CRISPLD1: variants seen among roughly 807,000 people sequenced by gnomAD.
The protein encoded by CRISPLD1 is cysteine rich secretory protein LCCL domain containing 1, also known as cysteine-rich secretory protein LCCL domain-containing 1.
Under a neutral mutation model 77.5 loss-of-function variants are expected in CRISPLD1, and 60 were observed. That is an observed-to-expected ratio of 0.77 (90% CI 0.63 to 0.96). CRISPLD1 has a LOEUF of 0.96. CRISPLD1 is among the 40% of genes least tolerant of loss of function. CRISPLD1 has a pLI of 0.00. For synonymous variants in CRISPLD1, 195 were observed against 200.1 expected, an observed-to-expected ratio of 0.97 and a Z score of 0.22; for missense variants, 623 against 615.8, an observed-to-expected ratio of 1.01 and a Z score of -0.12.
At chr8:75,023,834 T>TA (rs1378837716) in intron 12 of CRISPLD1, among the ~76,000 whole-genome samples, 1 of 152,070 alleles carries the variant, frequency 6.6e-6, no homozygotes, top group Admixed American at 6.6e-5. Flanking sequence ...GCCACTTGAT[T>TA]AAAAGTAAAG....
At chr8:75,003,544 C>T (rs1812780385) in intron 2 of CRISPLD1, among the ~76,000 whole-genome samples, 2 of 151,974 alleles carry the variant, frequency 1.3e-5, no homozygotes, top group Admixed American at 1.3e-4. Context: ...TTTTTATAGA[C>T]TTTTAGATCA....
At chr8:74,989,602 G>GT (rs1370241188) in intron 2 of CRISPLD1, among the ~76,000 whole-genome samples, 2 of 150,784 alleles carry the variant, frequency 1.3e-5, no homozygotes, top group South Asian at 4.2e-4. Context: ...TAGTGGGGTT[G>GT]TTTTTTTTCT....
intron 2 of CRISPLD1, among the ~76,000 whole-genome samples, chr8:75,008,521 TAA>T (rs1203197432): frequency 7.2e-5 from 11 of 152,210 alleles, no homozygotes; most frequent in African/African-American, 2.4e-4. Flanking sequence ...AATAAGTTTT[TAA>T]GACTTGATTT....
chr8:74,986,280 A>G (rs767490132), intron 2 of CRISPLD1, 35 bp downstream of exon 2: 1 of 1,586,874 alleles, frequency 6.3e-7, no homozygotes, highest in Non-Finnish European at 8.6e-7. Flanking sequence ...GTACAAAAGA[A>G]ATGTTTATTC....
chr8:75,017,637 CTT>C (rs766259659), intron 10 of CRISPLD1, among the ~76,000 whole-genome samples, 187 bp downstream of exon 10: 1 of 152,060 alleles, frequency 6.6e-6, no homozygotes, highest in Non-Finnish European at 1.5e-5. Context: ...AAGTTGAACT[CTT>C]TTGCTTTTAA....
intron 2 of CRISPLD1, among the ~76,000 whole-genome samples, chr8:74,993,875 A>G (rs1443350972): frequency 6.6e-6 from 1 of 152,220 alleles, no homozygotes; most frequent in African/African-American, 2.4e-5. Flanking sequence ...TCTTCCTTGC[A>G]TGGAATAGAT....
rs1360841714 is a variant in CRISPLD1 at position 75,034,558 on chromosome 8, A to C, written c.*2316A>C. 6.6e-6 allele frequency: 1 copy of C among 152,038 alleles called. No homozygotes were observed. The highest frequency in any genetic ancestry group is 1.5e-5 in the Non-Finnish European group (1 of 67,946). The allele number at this position is 152,038 out of a possible 1,614,324, so 9.4% of individuals were successfully genotyped here. On this transcript the variant is annotated 3_prime_UTR_variant, in exon 15 of 15. Transcript: ENST00000262207. ...TGCTCTCTAATATGATATCCCTTTA[A>C]TTTGACCATTGTAATTATTTAATTT...
In CRISPLD1 at chr8:75,029,483, A is replaced by G. The variant is rs747339455; in HGVS notation, c.1417A>G (p.Ile473Val). The G allele has an allele frequency of 6.2e-6, 10 of 1,613,670 alleles. No individual in the cohort carries two copies. In the South Asian group the frequency reaches 6.6e-5, roughly 11 times the overall value. The stretch of plus-strand genomic sequence containing the variant: ...GCCTGTGGACAAAAGAAAGACCTAC[A>G]TTGCTTCTTTTCAGAATGGAATCTT... ...VMPVDKRKTY[I>V]ASFQNGIFSE... The change falls in exon 14 of 15, where the codon ATT becomes GTT. Residue 473 changes from isoleucine (I) to valine (V), a missense_variant. By Grantham distance (29) the Ile-to-Val change is conservative (BLOSUM62 3). Coordinates refer to ENST00000262207, the MANE Select transcript of CRISPLD1 (RefSeq NM_031461.6).
At chr8:74,996,467 G>C (rs1378624798) in intron 2 of CRISPLD1, among the ~76,000 whole-genome samples, 1 of 152,092 alleles carries the variant, frequency 6.6e-6, no homozygotes, top group Non-Finnish European at 1.5e-5. Context: ...TAGAGAATGA[G>C]GGAGGTGGAG....
At chr8:75,018,618 G>C (rs1012600782) in intron 10 of CRISPLD1, among the ~76,000 whole-genome samples, 1 of 151,226 alleles carries the variant, frequency 6.6e-6, no homozygotes, top group African/African-American at 2.4e-5. Context: ...AGGCTTGAAG[G>C]GTGGTTTTTA....
At chr8:74,998,516 C>T (rs1487536052) in intron 2 of CRISPLD1, among the ~76,000 whole-genome samples, 24 of 151,344 alleles carry the variant, frequency 1.6e-4, no homozygotes, top group Non-Finnish European at 1.5e-4. Context: ...GGTGAAATGC[C>T]GTCTCTATTA....
intron 12 of CRISPLD1, 80 bp from the exon 13 acceptor site, chr8:75,025,466 G>T (rs1421347856): frequency 6.4e-6 from 3 of 466,740 alleles, no homozygotes; most frequent in Non-Finnish European, 1.1e-5. Context: ...CTTTGTGTAT[G>T]CATATCTGTG....
chr8:75,019,630 A>G (rs914277048), intron 10 of CRISPLD1, among the ~76,000 whole-genome samples: 1 of 151,902 alleles, frequency 6.6e-6, no homozygotes. Flanking sequence ...TATTATCTAT[A>G]TGTTTTTGAG....
rs1302787931 is a variant in CRISPLD1, at chr8:75,034,408, A to ATC, written c.*2167_*2168insCT. On this transcript the variant is annotated 3_prime_UTR_variant, in exon 15 of 15. Transcript: ENST00000262207. ...AGGTCAGTGGACGCCATTTTCTGTT[A>ATC]TAATCATTTTTGTTATCTAATTTGG... 3 of 152,064 alleles carry ATC rather than the reference A, an allele frequency of 2.0e-5. No individual in the cohort carries two copies. Among genetic ancestry groups the ATC allele is most frequent in the African/African-American group, 7.2e-5 (3 of 41,450 alleles). 9.4% of individuals were successfully genotyped at this position (152,064 alleles called of 1,614,324 possible).
Position 75,029,460 on chromosome 8 carries a change from C to T in CRISPLD1, c.1394C>T (p.Pro465Leu), listed in dbSNP as rs746384989. ...CACGGTGGTTATGTTGATGTAATGCCTGTGGACAAAAGAAAGACCTACATT... is the reference window on the plus strand; with the variant it reads ...CACGGTGGTTATGTTGATGTAATGCTTGTGGACAAAAGAAAGACCTACATT... ...RNHGGYVDVM[P>L]VDKRKTYIAS... The change falls in exon 14 of 15, where the codon CCT becomes CTT. Residue 465 changes from proline (P) to leucine (L), a missense_variant. Pro to Leu is a moderately conservative substitution (Grantham distance 98, BLOSUM62 -3). Transcript: ENST00000262207. 1.2e-6 allele frequency: 2 copies of T among 1,613,748 alleles called. No individual in the cohort carries two copies. Among genetic ancestry groups the T allele is most frequent in the South Asian group, 1.1e-5 (1 of 91,064 alleles).
At chr8:75,015,317 A>G (rs1813008831) in intron 6 of CRISPLD1, among the ~76,000 whole-genome samples, 1 of 152,162 alleles carries the variant, frequency 6.6e-6, no homozygotes, top group African/African-American at 2.4e-5. Context: ...CCCTTTGTGT[A>G]TCTTATTGAA....
In CRISPLD1 at chr8:75,014,031, G is replaced by C; in HGVS notation, c.555G>C (p.Leu185Phe). The C allele has an allele frequency of 2.5e-6, 4 of 1,613,144 alleles. No individual in the cohort carries two copies. The highest frequency in any genetic ancestry group is 2.2e-5 in the East Asian group (1 of 44,840). ...TSNRIGCAIN[L>F]CHNMNIWGQI... The stretch of plus-strand genomic sequence containing the variant: ...ACAGAATCGGTTGTGCCATTAATTT[G>C]TGTCATAACATGAACATCTGGGGGC... The change falls in exon 5 of 15, where the codon TTG (leucine) becomes TTC (phenylalanine). Residue 185 changes from leucine (L) to phenylalanine (F), a missense_variant. Leu to Phe is a conservative substitution (Grantham distance 22). Transcript: ENST00000262207.
chr8:75,017,167 G>T, intron 9 of CRISPLD1, 54 bp downstream of exon 9: 2 of 1,546,704 alleles, frequency 1.3e-6, no homozygotes, highest in South Asian at 2.3e-5. Flanking sequence ...TGTAATATTT[G>T]ATTTTTATTG....
intron 2 of CRISPLD1, among the ~76,000 whole-genome samples, chr8:75,011,291 A>G (rs1341977836): frequency 2.2e-5 from 2 of 91,990 alleles, no homozygotes; most frequent in African/African-American, 4.3e-5. Flanking sequence ...CCACCCCACA[A>G]CAGTCCCCAG....
Sources: allele counts gnomAD v4.1 joint callset (sites outside exome capture counted in the v4.1 genomes callset), GRCh38; gene constraint gnomAD v4.1.1; transcripts MANE v1.5; gene names NCBI Gene and HGNC (gene_info 2026-07-23, HGNC 2026-07-21).